Variants in MUC4 observed in about 807,000 individuals in gnomAD.
MUC4 encodes mucin-4.
In MUC4, 202 loss-of-function variants were observed where a neutral mutation model predicts 257.9. The ratio of observed to expected loss-of-function variants is 0.78; its 90% confidence interval spans 0.70 to 0.88. MUC4 has a LOEUF of 0.88. MUC4 is among the 40% of genes least tolerant of loss of function. The pLI, the probability that MUC4 is intolerant of heterozygous loss-of-function variation, is 0.00. For missense variants in MUC4, 5,976 were observed against 6,513.7 expected (o/e 0.92, Z 2.84); for synonymous variants, 2,351 against 2,757.1 (o/e 0.85, Z 4.62).
At chr3:195,803,391 G>T (rs550848773) in intron 1 of MUC4, among the ~76,000 whole-genome samples, 1 of 152,154 alleles carries the variant, frequency 6.6e-6, no homozygotes, top group Admixed American at 6.5e-5. Context: ...ATAAATTCAC[G>T]TTCTTCCTAC....
At chr3:195,773,484 C>T (rs4927725) in intron 4 of MUC4, among the ~76,000 whole-genome samples, 51,253 of 137,498 alleles carry the variant, frequency 0.37, 10,025 homozygotes, top group East Asian at 0.68. Flanking sequence ...GTGTGGACAC[C>T]CTCTCTCTAT....
chr3:195,749,213 C>T (rs55798120), intron 23 of MUC4, 149 bp from the exon 24 acceptor site: 111,946 of 943,760 alleles, frequency 0.12, 2,076 homozygotes, highest in African/African-American at 0.33. Flanking sequence ...TTCAGATCAG[C>T]ATGGTGGATA....
intron 3 of MUC4, among the ~76,000 whole-genome samples, chr3:195,775,443 T>A (rs1724243946): frequency 8.5e-6 from 1 of 116,964 alleles, no homozygotes; most frequent in African/African-American, 3.0e-5. Flanking sequence ...TCCACACCCA[T>A]ACCTTCCACA....
Position 195,780,291 on chromosome 3 carries a change from G to A in MUC4, c.11289C>T (p.Val3763=), listed in dbSNP as rs1314071539. ...ASTGHATPLL[V]TDASSVSTGH... ...CTGTGGACACTGAGGAAGCGTCGGT[G>A]ACAAGAAGAGGGGTGGCGTGACCTG... Residue 3763 remains valine, a synonymous_variant, in exon 2 of 25, where the codon GTC becomes GTT. Transcript: ENST00000463781. 4.6e-6 allele frequency: 7 copies of A among 1,523,978 alleles called. No individual in the cohort carries two copies. The Admixed American group carries it at 1.0e-4, about 22-fold the overall frequency. 94.4% of individuals were successfully genotyped at this position (1,523,978 alleles called of 1,614,324 possible).
intron 16 of MUC4, 101 bp from the exon 17 acceptor site, chr3:195,759,362 G>A: frequency 4.2e-6 from 6 of 1,432,382 alleles, no homozygotes; most frequent in Non-Finnish European, 4.8e-6. Context: ...GCATTCCCAG[G>A]ACTGTGACCC....
rs372862585 is a variant in MUC4 at position 195,788,989 on chromosome 3, G to T, written c.2591C>A (p.Ala864Glu). 6.2e-7 allele frequency: 1 copy of T among 1,613,806 alleles called. No individual in the cohort carries two copies. Among genetic ancestry groups the T allele is most frequent in the Non-Finnish European group, 8.5e-7 (1 of 1,179,832 alleles). The stretch of plus-strand genomic sequence containing the variant: ...AAAGGTGCCGGGGACGATCGAAGAC[G>T]CCATTCCTGTGCTTACTGGGATGGC... ...HGAIPVSTGM[A>E]SSIVPGTFHP... The change falls in exon 2 of 25, where the codon GCG becomes GAG. Residue 864 changes from alanine to glutamate, a missense_variant. Transcript: ENST00000463781.
chr3:195,811,140 A>ATTTT (rs1438051300), intron 1 of MUC4, among the ~76,000 whole-genome samples: 24 of 144,666 alleles, frequency 1.7e-4, no homozygotes, highest in Non-Finnish European at 2.9e-4. Flanking sequence ...TTTTTATTTT[A>ATTTT]TTTTATATTT....
Position 195,779,471 on chromosome 3 carries a change from T to C in MUC4, c.12109A>G (p.Ser4037Gly), listed in dbSNP as rs763019313. ...TCACCTGTGGATGCTGAGGAAGTGC[T>C]GGTGACAGGAACAGGGGTGGCGTGA... Reference protein sequence around the residue: ...TGHATPVPVTSTSSASTGDTT... With the variant: ...TGHATPVPVTGTSSASTGDTT... The change falls in exon 2 of 25, where the codon AGC (serine) becomes GGC (glycine). Residue 4037 changes from serine to glycine, a missense_variant. Around this residue, in one of 44 missense-constraint regions of MUC4, gnomAD observed 293 missense variants for 294.5 expected, o/e 1.00. Transcript: ENST00000463781. 15,328 of 966,392 alleles carry C rather than the reference T, an allele frequency of 0.016. 76 individuals are homozygous for C. The highest frequency in any genetic ancestry group is 0.018 in the Admixed American group (602 of 32,974). The allele number at this position is 966,392 out of a possible 1,614,324, so 59.9% of individuals were successfully genotyped here.
Position 195,778,917 on chromosome 3 carries a change from G to A in MUC4, c.12663C>T (p.His4221=), listed in dbSNP as rs2550253. ...GGCTGGTGACAGGAAGAGGGGTGGC[G>A]TGACCTGTGGATGCTGAGGAAGTGT... ...VTDTSSASTG[H]ATPLPVTSLS... The change falls in exon 2 of 25, where the codon CAC becomes CAT. Residue 4221 remains histidine (H), a synonymous_variant. Coordinates refer to ENST00000463781, the MANE Select transcript of MUC4 (RefSeq NM_018406.7). The A allele has an allele frequency of 2.6e-5, 18 of 692,948 alleles. 1 individual carries two copies. Among genetic ancestry groups the A allele is most frequent in the African/African-American group, 2.4e-4 (8 of 32,978 alleles). The allele number at this position is 692,948 out of a possible 1,614,324, so 42.9% of individuals were successfully genotyped here. A position where few individuals can be genotyped will look rare whatever the true frequency, so the allele number is the denominator to read the frequency against.
At position 195,780,965 on chromosome 3, in the gene MUC4, C is replaced by A. The variant is rs777104733; in HGVS notation, c.10615G>T (p.Val3539Phe). The change falls in exon 2 of 25, where the codon GTC (valine) becomes TTC (phenylalanine). Residue 3539 changes from valine (V) to phenylalanine (F), a missense_variant. Around this residue, in one of 44 missense-constraint regions of MUC4, gnomAD observed 297 missense variants for 240.9 expected, o/e 1.23. Coordinates refer to ENST00000463781, the MANE Select transcript of MUC4 (RefSeq NM_018406.7). ...VSTGHATPLP[V>F]TSLSSVSTGD... is the part of the protein sequence containing the mutation. ...GTGGATACTGAGGAAAGGCTGGTGA[C>A]AGGAAGAGGCGTGGCGTGACCGGTG... 6.8e-7 allele frequency: 1 copy of A among 1,460,740 alleles called. No homozygotes were observed. The highest frequency in any genetic ancestry group is 1.8e-5 in the African/African-American group (1 of 56,830). 90.5% of individuals were successfully genotyped at this position (1,460,740 alleles called of 1,614,324 possible). A position where few individuals can be genotyped will look rare whatever the true frequency, so the allele number is the denominator to read the frequency against.
Position 195,791,377 on chromosome 3 carries a change from T to C in MUC4, c.203A>G (p.Gln68Arg), listed in dbSNP as rs367990306. 1.4e-4 allele frequency: 233 copies of C among 1,613,916 alleles called. No individual in the cohort carries two copies. Among genetic ancestry groups the C allele is most frequent in the Non-Finnish European group, 1.9e-4 (224 of 1,179,896 alleles). Residue 68 changes from glutamine to arginine, a missense_variant, in exon 2 of 25, where the codon CAG becomes CGG. By Grantham distance (43) the Gln-to-Arg change is conservative. Coordinates refer to ENST00000463781, the MANE Select transcript of MUC4 (RefSeq NM_018406.7). Reference sequence around the variant, plus strand: ...GTTCTGAGATGAAGCTGATATGTCCTGATTAGAGGTCCTTGAAGAAGCTGC... The same window carrying C: ...GTTCTGAGATGAAGCTGATATGTCCCGATTAGAGGTCCTTGAAGAAGCTGC... ...STAASSRTSNQDISASSQNHQ... is the reference protein window; with the variant it reads ...STAASSRTSNRDISASSQNHQ...
At chr3:195,767,745 TC>T (rs1721509762) in intron 7 of MUC4, among the ~76,000 whole-genome samples, 1 of 12,772 alleles carries the variant, frequency 7.8e-5, no homozygotes, top group East Asian at 6.0e-3. Flanking sequence ...ACCATCACCA[TC>T]GCCACCACCA....
At chr3:195,778,534 G>A in intron 2 of MUC4, 79 bp from the exon 3 acceptor site, 2 of 1,563,204 alleles carry the variant, frequency 1.3e-6, no homozygotes, top group South Asian at 1.2e-5. Context: ...AAGAAATCAG[G>A]AGCTGGAAGA....
intron 6 of MUC4, 70 bp downstream of exon 6, chr3:195,770,146 G>A (rs1214710369): frequency 7.2e-7 from 1 of 1,396,470 alleles, no homozygotes; most frequent in South Asian, 1.5e-5. Flanking sequence ...TGGAAGAGTG[G>A]CCCCTGCCTA....
Position 195,774,313 on chromosome 3 carries a change from A to C in MUC4, c.12944-8T>G, listed in dbSNP as rs1164212572. 1 of 1,520,072 alleles carries C rather than the reference A, an allele frequency of 6.6e-7. No individual in the cohort carries two copies. The highest frequency in any genetic ancestry group is 2.4e-5 in the East Asian group (1 of 40,874). The allele number at this position is 1,520,072 out of a possible 1,614,324, so 94.2% of individuals were successfully genotyped here. ...AGGGGAAGAGGGAAACTCCTGGGCC[A>C]GGACAGAGAAGAGCAGGAAGTCCAA... On this transcript the variant is annotated splice_polypyrimidine_tract_variant and splice_region_variant and intron_variant, in intron 3 of 24. Transcript: ENST00000463781.
Position 195,747,172 on chromosome 3 carries a change from C to T in MUC4, c.*4G>A. The T allele has an allele frequency of 1.2e-6, 2 of 1,614,244 alleles. No homozygotes were observed. Among genetic ancestry groups the T allele is most frequent in the South Asian group, 1.1e-5 (1 of 91,086 alleles). ...TTGAGGTAGCCTAGGCCACAGCTGC[C>T]CCTTCAAGGCAAGGCCTCAGCTGAG... On this transcript the variant is annotated 3_prime_UTR_variant, in exon 25 of 25. Coordinates refer to ENST00000463781, the MANE Select transcript of MUC4 (RefSeq NM_018406.7).
Position 195,811,910 on chromosome 3 carries a change from G to C in MUC4, c.-93C>G. On this transcript the variant is annotated 5_prime_UTR_variant, in exon 1 of 25. Transcript: ENST00000463781. ...CAGACGTGAGCCCGTCCCCTCAGGC[G>C]GCTGGCCCGAACCAAGTGCGTTTCT... 1 of 1,296,974 alleles carries C rather than the reference G, an allele frequency of 7.7e-7. No homozygotes were observed. The highest frequency in any genetic ancestry group is 1.1e-6 in the Non-Finnish European group (1 of 923,182). 80.3% of individuals were successfully genotyped at this position (1,296,974 alleles called of 1,614,324 possible).
In MUC4 at chr3:195,769,098, A is replaced by T; in HGVS notation, c.13453T>A (p.Phe4485Ile). ...STDGSRSYAL[F>I]LYQSGGMQWD... The stretch of plus-strand genomic sequence containing the variant: ...TGCATCCCACCGCTCTGGTAGAGAA[A>T]CAGGGCATAGGACCTGCTCCCGTCC... The change falls in exon 7 of 25, where the codon TTT (phenylalanine) becomes ATT (isoleucine). Residue 4485 changes from phenylalanine to isoleucine, a missense_variant. Around this residue, in one of 44 missense-constraint regions of MUC4, gnomAD observed 996 missense variants for 1,137.3 expected, o/e 0.88. Transcript: ENST00000463781. 6.2e-7 allele frequency: 1 copy of T among 1,614,150 alleles called. No homozygotes were observed. The highest frequency in any genetic ancestry group is 2.2e-5 in the East Asian group (1 of 44,886).
At chr3:195,808,500 C>A (rs114194405) in intron 1 of MUC4, among the ~76,000 whole-genome samples, 1 of 152,144 alleles carries the variant, frequency 6.6e-6, no homozygotes, top group Non-Finnish European at 1.5e-5. Context: ...CCACCGCGCC[C>A]GGCCCTTTAT....
Sources: allele counts gnomAD v4.1 joint callset (sites outside exome capture counted in the v4.1 genomes callset), GRCh38; gene constraint gnomAD v4.1.1; regional missense constraint gnomAD v4.1.1; transcripts MANE v1.5; gene names NCBI Gene and HGNC (gene_info 2026-07-23, HGNC 2026-07-21).